Variants in FRMD5 observed in about 807,000 individuals in gnomAD.
The protein encoded by FRMD5 is FERM domain-containing protein 5.
In FRMD5, 20 loss-of-function variants were observed where a neutral mutation model predicts 69.0. The observed-to-expected ratio is 0.29, with a 90% CI of 0.20 to 0.42. FRMD5 has a LOEUF of 0.42. Ranked by LOEUF, FRMD5 falls within the 10% of genes least tolerant of loss-of-function variation. The probability of loss-of-function intolerance (pLI) is 1.00; values close to 1 mark genes in which losing one functional copy is unlikely to be tolerated. For missense variants in FRMD5, 595 were observed against 708.6 expected (o/e 0.84, Z 1.82); for synonymous variants, 271 against 260.1 (o/e 1.04, Z -0.40).
At chr15:43,890,840 C>T (rs2088777115) in intron 8 of FRMD5, among the ~76,000 whole-genome samples, 1 of 152,166 alleles carries the variant, frequency 6.6e-6, no homozygotes, top group African/African-American at 2.4e-5. Flanking sequence ...TAATGCCCTC[C>T]TTCACAAAAT....
At chr15:44,184,144 C>A (rs1028615961) in intron 1 of FRMD5, among the ~76,000 whole-genome samples, 1 of 152,106 alleles carries the variant, frequency 6.6e-6, no homozygotes, top group Non-Finnish European at 1.5e-5. Context: ...TTTTAATTCT[C>A]CCTCCACTCT....
At position 44,194,658 on chromosome 15, in the gene FRMD5, G is replaced by T. The variant is rs559232584; in HGVS notation, c.102+295C>A. ...GCCCCGGAAAGGTGCACCTTACTCG[G>T]GCGGGCTCGAGGAACCAGGACGGGG... On this transcript the variant is annotated intron_variant, in intron 1 of 13. Transcript: ENST00000417257. 24 of 453,040 alleles carry T rather than the reference G, an allele frequency of 5.3e-5. No individual in the cohort carries two copies. The South Asian group carries it at 5.3e-4, about 10-fold the overall frequency. The allele number at this position is 453,040 out of a possible 1,614,324, so 28.1% of individuals were successfully genotyped here.
intron 1 of FRMD5, among the ~76,000 whole-genome samples, chr15:44,079,101 A>G (rs1893891113): frequency 6.6e-6 from 1 of 152,188 alleles, no homozygotes; most frequent in Admixed American, 6.6e-5. Context: ...AAAATAGGTA[A>G]AGGACTTGAA....
In FRMD5 at chr15:43,902,051, T is replaced by C. The variant is rs894484182; in HGVS notation, c.639+124A>G. ...TTCAAAGCAGGCATTTTCTCTGATATCTCACTGAAAGTGCCAGCCATGTAA... is the reference window on the plus strand; with the variant it reads ...TTCAAAGCAGGCATTTTCTCTGATACCTCACTGAAAGTGCCAGCCATGTAA... On this transcript the variant is annotated intron_variant, in intron 7 of 13. Coordinates refer to ENST00000417257, the MANE Select transcript of FRMD5 (RefSeq NM_032892.5). 4.2e-6 allele frequency: 3 copies of C among 708,148 alleles called. No homozygotes were observed. In the African/African-American group the frequency reaches 5.3e-5, roughly 13 times the overall value. 43.9% of individuals were successfully genotyped at this position (708,148 alleles called of 1,614,324 possible). A position where few individuals can be genotyped will look rare whatever the true frequency, so the allele number is the denominator to read the frequency against.
intron 1 of FRMD5, among the ~76,000 whole-genome samples, chr15:44,154,302 G>C (rs895545056): frequency 6.6e-6 from 1 of 151,592 alleles, no homozygotes; most frequent in Non-Finnish European, 1.5e-5. Flanking sequence ...GCCTCAGTGA[G>C]AGTGAGTCTC....
At chr15:43,981,882 A>C (rs1021274090) in intron 1 of FRMD5, among the ~76,000 whole-genome samples, 1 of 152,200 alleles carries the variant, frequency 6.6e-6, no homozygotes, top group Non-Finnish European at 1.5e-5. Flanking sequence ...TTAAACCTTT[A>C]AACCTCTACC....
At chr15:43,964,329 TTTTTTTC>T (rs2140553251) in intron 1 of FRMD5, among the ~76,000 whole-genome samples, 1 of 151,916 alleles carries the variant, frequency 6.6e-6, no homozygotes, top group African/African-American at 2.4e-5. Flanking sequence ...TTTCCTGAAC[TTTTTTTC>T]TTTTTTCAAG....
intron 1 of FRMD5, among the ~76,000 whole-genome samples, chr15:44,180,056 A>G (rs1047563334): frequency 6.8e-6 from 1 of 147,476 alleles, no homozygotes; most frequent in Non-Finnish European, 1.5e-5. Context: ...ATCTCTTAAA[A>G]AAAAAAAAAA....
At chr15:44,140,924 A>G (rs2077264894) in intron 1 of FRMD5, among the ~76,000 whole-genome samples, 1 of 151,788 alleles carries the variant, frequency 6.6e-6, no homozygotes, top group Non-Finnish European at 1.5e-5. Context: ...ATTTACAATT[A>G]AAATAAAGAG....
intron 1 of FRMD5, among the ~76,000 whole-genome samples, chr15:44,084,871 G>C (rs542487205): frequency 2.9e-4 from 44 of 152,204 alleles, no homozygotes; most frequent in African/African-American, 1.0e-3. Context: ...AAACTCAGAG[G>C]CCACCATTCC....
chr15:44,073,086 G>A (rs1162110039), intron 1 of FRMD5, among the ~76,000 whole-genome samples: 2 of 152,140 alleles, frequency 1.3e-5, no homozygotes, highest in Admixed American at 1.3e-4. Flanking sequence ...GTGAGCTATT[G>A]ATCATGCCAC....
At position 43,989,165 on chromosome 15, in the gene FRMD5, C is replaced by T. The variant is rs557947892; in HGVS notation, c.103-64856G>A. 1.0e-4 allele frequency: 89 copies of T among 890,112 alleles called. No homozygotes were observed. The East Asian group carries it at 1.3e-3, about 13-fold the overall frequency. The allele number at this position is 890,112 out of a possible 1,614,324, so 55.1% of individuals were successfully genotyped here. A position where few individuals can be genotyped will look rare whatever the true frequency, so the allele number is the denominator to read the frequency against. On this transcript the variant is annotated intron_variant, in intron 1 of 13. Transcript: ENST00000417257. ...GACAGCCAGGCCAGGATGGAGCTGC[C>T]GATCCACACGGAGTACTTGCGCTTG...
At chr15:44,181,202 AT>A (rs1389706094) in intron 1 of FRMD5, among the ~76,000 whole-genome samples, 12 of 150,150 alleles carry the variant, frequency 8.0e-5, no homozygotes, top group East Asian at 2.0e-4. Context: ...ACCACACCTA[AT>A]TTTTTTTTTT....
chr15:43,891,931 C>T, intron 8 of FRMD5, 50 bp downstream of exon 8: 1 of 1,499,122 alleles, frequency 6.7e-7, no homozygotes, highest in Middle Eastern at 1.7e-4. Context: ...CGTCGCCCCT[C>T]CCCAGTTGGT....
chr15:44,198,146 C>CA (rs2140638637), upstream of FRMD5, among the ~76,000 whole-genome samples: 1 of 150,950 alleles, frequency 6.6e-6, no homozygotes, highest in Admixed American at 6.6e-5. Flanking sequence ...CCCATAGCTA[C>CA]AATAATAATA....
At chr15:43,919,880 C>T in intron 2 of FRMD5, 71 bp from the exon 3 acceptor site, 1 of 1,374,544 alleles carries the variant, frequency 7.3e-7, no homozygotes, top group Non-Finnish European at 1.0e-6. Context: ...TTTTCTCCAA[C>T]TTAAAAAACT....
At chr15:44,017,719 A>C (rs1351076766) in intron 1 of FRMD5, among the ~76,000 whole-genome samples, 4 of 149,716 alleles carry the variant, frequency 2.7e-5, no homozygotes, top group South Asian at 2.1e-4. Flanking sequence ...CATTCTCCTG[A>C]CTCAGCCTCC....
At chr15:44,150,983 T>C (rs986711130) in intron 1 of FRMD5, among the ~76,000 whole-genome samples, 1 of 151,934 alleles carries the variant, frequency 6.6e-6, no homozygotes, top group Non-Finnish European at 1.5e-5. Flanking sequence ...TCTCAGCTAC[T>C]TGGGAGGCTG....
At chr15:44,102,540 C>T (rs2076655120) in intron 1 of FRMD5, among the ~76,000 whole-genome samples, 1 of 152,200 alleles carries the variant, frequency 6.6e-6, no homozygotes, top group Non-Finnish European at 1.5e-5. Context: ...AAACAGACTA[C>T]TCTTCCATAG....
Sources: gnomAD v4.1 joint callset for allele counts (sites outside exome capture counted in the v4.1 genomes callset) on GRCh38, gnomAD v4.1.1 for gene constraint, MANE v1.5 for transcripts, NCBI Gene and HGNC (gene_info 2026-07-23, HGNC 2026-07-21) for gene names.